Variants in GRB2 observed in about 807,000 individuals in gnomAD.
The protein encoded by GRB2 is growth factor receptor-bound protein 2.
A neutral mutation model predicts 27.4 loss-of-function variants in GRB2; 2 were observed. The ratio of observed to expected loss-of-function variants is 0.07; its 90% CI spans 0.03 to 0.23. The LOEUF (loss-of-function observed/expected upper bound fraction) is 0.23, where lower values mean the gene tolerates loss of function less well. GRB2 is among the 10% of genes least tolerant of loss of function. The pLI is 1.00. For synonymous variants in GRB2, 94 were observed against 99.6 expected (o/e 0.94, Z 0.33); for missense variants, 102 against 282.4 (o/e 0.36, Z 4.58).
At chr17:75,333,520 A>C (rs1344635861) in intron 2 of GRB2, among the ~76,000 whole-genome samples, 1 of 152,182 alleles carries the variant, frequency 6.6e-6, no homozygotes. Flanking sequence ...AGAACTAAGC[A>C]GCAACAGAAC....
intron 3 of GRB2, among the ~76,000 whole-genome samples, chr17:75,331,088 T>C (rs142078777): frequency 8.6e-4 from 131 of 152,288 alleles, no homozygotes; most frequent in African/African-American, 3.0e-3. Flanking sequence ...CCTGACCCTA[T>C]ACTCATGAAC....
chr17:75,386,204 T>C (rs1196563401), intron 2 of GRB2, among the ~76,000 whole-genome samples: 2 of 152,064 alleles, frequency 1.3e-5, no homozygotes, highest in African/African-American at 4.8e-5. Context: ...CTGCAACCTC[T>C]GCCTCCCGAG....
At chr17:75,336,583 C>G (rs1457860482) in intron 2 of GRB2, among the ~76,000 whole-genome samples, 1 of 152,030 alleles carries the variant, frequency 6.6e-6, no homozygotes, top group East Asian at 1.9e-4. Flanking sequence ...AAAAGTGTCC[C>G]CTCCCCCAAC....
chr17:75,339,697 G>A (rs1446266252), intron 2 of GRB2, among the ~76,000 whole-genome samples: 1 of 149,986 alleles, frequency 6.7e-6, no homozygotes, highest in Admixed American at 6.7e-5. Context: ...CGCCATCTCA[G>A]CTCACTGCCA....
chr17:75,370,494 T>C (rs2078848557), intron 2 of GRB2, among the ~76,000 whole-genome samples: 1 of 152,208 alleles, frequency 6.6e-6, no homozygotes, highest in Admixed American at 6.5e-5. Flanking sequence ...CAGCCCTAGC[T>C]GTGTTGCTAA....
chr17:75,392,938 CCT>C (rs1279575849), intron 2 of GRB2, among the ~76,000 whole-genome samples: 1 of 152,120 alleles, frequency 6.6e-6, no homozygotes, highest in Non-Finnish European at 1.5e-5. Flanking sequence ...GGTAATTGCT[CCT>C]CAAGTTTCTT....
intron 2 of GRB2, among the ~76,000 whole-genome samples, chr17:75,333,954 C>G (rs916396482): frequency 1.3e-5 from 2 of 152,142 alleles, no homozygotes; most frequent in African/African-American, 4.8e-5. Flanking sequence ...ACCGTTCTCT[C>G]CAATGCTGCC....
intron 2 of GRB2, among the ~76,000 whole-genome samples, chr17:75,353,334 G>C (rs911232831): frequency 4.6e-5 from 7 of 152,088 alleles, no homozygotes; most frequent in Middle Eastern, 3.4e-3. Context: ...CTGTCTTTTT[G>C]ACACACATGT....
intron 2 of GRB2, among the ~76,000 whole-genome samples, chr17:75,369,849 C>T (rs1465495609): frequency 9.1e-6 from 1 of 109,444 alleles, no homozygotes; most frequent in African/African-American, 2.5e-5. Flanking sequence ...AACAGAGACT[C>T]CGTCTCAAAA....
intron 2 of GRB2, among the ~76,000 whole-genome samples, chr17:75,387,175 A>AG (rs375616474): frequency 1.3e-5 from 2 of 151,872 alleles, no homozygotes; most frequent in Admixed American, 1.3e-4. Context: ...AAAAAAAAAA[A>AG]GAGTGCCAAT....
intron 1 of GRB2, among the ~76,000 whole-genome samples, chr17:75,398,203 C>T (rs1213423302): frequency 6.6e-6 from 1 of 152,124 alleles, no homozygotes; most frequent in Non-Finnish European, 1.5e-5. Flanking sequence ...TTTTCATATA[C>T]TAATTGGCAA....
At chr17:75,383,019 A>ATCCTTACT (rs1351467729) in intron 2 of GRB2, among the ~76,000 whole-genome samples, 23 of 152,166 alleles carry the variant, frequency 1.5e-4, no homozygotes, top group South Asian at 8.3e-4. Flanking sequence ...GGCATCCTTA[A>ATCCTTACT]GATTTTTAAA....
chr17:75,385,538 G>A (rs2078958559), intron 2 of GRB2, among the ~76,000 whole-genome samples: 1 of 151,578 alleles, frequency 6.6e-6, no homozygotes. Flanking sequence ...ACTCCATCTC[G>A]AAAATAAAAA....
intron 2 of GRB2, among the ~76,000 whole-genome samples, chr17:75,335,121 T>C (rs1227564520): frequency 6.6e-6 from 1 of 152,180 alleles, no homozygotes; most frequent in Admixed American, 6.6e-5. Flanking sequence ...GTTATTTATA[T>C]GTTGGATTGC....
At chr17:75,345,044 TTTATTA>T (rs1385054600) in intron 2 of GRB2, among the ~76,000 whole-genome samples, 1 of 151,888 alleles carries the variant, frequency 6.6e-6, no homozygotes, top group African/African-American at 2.4e-5. Context: ...TTAAATTTTA[TTTATTA>T]TTATTATTTT....
At chr17:75,351,796 A>G (rs2078694293) in intron 2 of GRB2, among the ~76,000 whole-genome samples, 1 of 152,268 alleles carries the variant, frequency 6.6e-6, no homozygotes, top group Admixed American at 6.5e-5. Context: ...ACAATTAAAA[A>G]CAGCTACACC....
At chr17:75,324,467 C>CCCA (rs2078482772) in intron 4 of GRB2, among the ~76,000 whole-genome samples, 1 of 145,514 alleles carries the variant, frequency 6.9e-6, no homozygotes, top group Non-Finnish European at 1.5e-5. Context: ...GCCTCGGCCT[C>CCCA]CCAAAGTGCT....
chr17:75,326,871 A>G (rs748001432), intron 3 of GRB2, among the ~76,000 whole-genome samples: 5 of 152,222 alleles, frequency 3.3e-5, no homozygotes, highest in Non-Finnish European at 1.5e-5. Flanking sequence ...GAAAACTATA[A>G]TTAGGAAGAA....
chr17:75,337,871 T>TTACTAC (rs1224394398), intron 2 of GRB2, among the ~76,000 whole-genome samples: 16 of 117,626 alleles, frequency 1.4e-4, no homozygotes, highest in African/African-American at 4.8e-4. Context: ...CGGCCTACTA[T>TTACTAC]TACTACTACT....
Sources: gnomAD v4.1 joint callset for allele counts (sites outside exome capture counted in the v4.1 genomes callset) on GRCh38, gnomAD v4.1.1 for gene constraint, MANE v1.5 for transcripts, NCBI Gene and HGNC (gene_info 2026-07-23, HGNC 2026-07-21) for gene names.